Variants in TNRC6A observed in about 807,000 individuals in gnomAD.
TNRC6A encodes trinucleotide repeat containing adaptor 6A, also known as trinucleotide repeat-containing gene 6A protein.
A neutral mutation model predicts 221.2 loss-of-function variants in TNRC6A; 44 were observed. The ratio of observed to expected loss-of-function variants is 0.20; its 90% CI spans 0.16 to 0.26. The LOEUF (loss-of-function observed/expected upper bound fraction) is 0.26. Among genes scored for constraint, TNRC6A ranks in the 10% least tolerant of loss-of-function variants. TNRC6A has a pLI of 1.00. For synonymous variants in TNRC6A, 847 were observed against 838.5 expected (o/e 1.01, Z -0.18); for missense variants, 2,199 against 2,404.4 (o/e 0.91, Z 1.79).
In TNRC6A at chr16:24,790,111, A is replaced by G; in HGVS notation, c.1469A>G (p.His490Arg). The G allele has an allele frequency of 6.2e-7, 1 of 1,614,218 alleles. No individual in the cohort carries two copies. The highest frequency in any genetic ancestry group is 8.5e-7 in the Non-Finnish European group (1 of 1,180,022). Residue 490 changes from histidine to arginine, a missense_variant, in exon 6 of 25, where the codon CAT becomes CGT. Transcript: ENST00000395799. Reference protein sequence around the residue: ...TGAWRVSTMNHPQMQAPSGMN... With the variant: ...TGAWRVSTMNRPQMQAPSGMN... The stretch of plus-strand genomic sequence containing the variant: ...GCCTGGCGTGTGAGCACAATGAATC[A>G]TCCTCAGATGCAGGCTCCATCAGGT...
intron 18 of TNRC6A, among the ~76,000 whole-genome samples, chr16:24,809,806 A>G (rs2058507088): frequency 6.6e-6 from 1 of 152,116 alleles, no homozygotes; most frequent in South Asian, 2.1e-4. Context: ...ATTTAATTTG[A>G]TATGTTCTTA....
intron 4 of TNRC6A, among the ~76,000 whole-genome samples, chr16:24,759,236 A>T (rs1208933737): frequency 2.0e-5 from 3 of 152,032 alleles, no homozygotes; most frequent in Non-Finnish European, 4.4e-5. Context: ...ATATTCAGTG[A>T]TAAGTGGGCA....
intron 4 of TNRC6A, among the ~76,000 whole-genome samples, chr16:24,769,468 CAAA>C (rs35988161): frequency 4.9e-5 from 5 of 101,352 alleles, no homozygotes; most frequent in Non-Finnish European, 8.7e-5. Flanking sequence ...ACAGTATGAC[CAAA>C]AAAAAAAAAA....
chr16:24,628,480 T>A (rs914874397), intron 1 of TNRC6A, among the ~76,000 whole-genome samples: 1 of 152,048 alleles, frequency 6.6e-6, no homozygotes, highest in Admixed American at 6.6e-5. Context: ...TCTGTCTCCC[T>A]TTCTACCTTC....
chr16:24,745,297 T>G (rs902545567), intron 2 of TNRC6A, among the ~76,000 whole-genome samples: 1 of 152,212 alleles, frequency 6.6e-6, no homozygotes, highest in African/African-American at 2.4e-5. Context: ...TCTATAGTTT[T>G]GAAGGTTGCT....
At chr16:24,674,792 CAA>C (rs1442420339) in intron 2 of TNRC6A, among the ~76,000 whole-genome samples, 1 of 151,338 alleles carries the variant, frequency 6.6e-6, no homozygotes, top group Non-Finnish European at 1.5e-5. Context: ...AAAGGGATCA[CAA>C]GAGAGATTAT....
chr16:24,729,542 G>A (rs940263052), upstream of TNRC6A, among the ~76,000 whole-genome samples: 1 of 151,912 alleles, frequency 6.6e-6, no homozygotes, highest in African/African-American at 2.4e-5. Flanking sequence ...GTGACACGCC[G>A]GGGCGGTTGC....
intron 4 of TNRC6A, among the ~76,000 whole-genome samples, chr16:24,760,488 CACTTCAGA>C (rs1159281615): frequency 6.6e-6 from 1 of 152,132 alleles, no homozygotes. Flanking sequence ...ATATGAAGGT[CACTTCAGA>C]ATACATTTTG....
At chr16:24,643,823 C>T (rs1902125930) in intron 2 of TNRC6A, among the ~76,000 whole-genome samples, 1 of 152,082 alleles carries the variant, frequency 6.6e-6, no homozygotes, top group Admixed American at 6.5e-5. Context: ...ATGTTTCTGT[C>T]TCTGCACCAC....
At chr16:24,625,388 C>A (rs577452296) in intron 1 of TNRC6A, among the ~76,000 whole-genome samples, 110 of 152,080 alleles carry the variant, frequency 7.2e-4, no homozygotes, top group Non-Finnish European at 1.1e-3. Context: ...CCAAGGCGGG[C>A]GGATCACAAG....
At chr16:24,800,664 G>A (rs2058313883) in intron 11 of TNRC6A, among the ~76,000 whole-genome samples, 1 of 152,218 alleles carries the variant, frequency 6.6e-6, no homozygotes, top group African/African-American at 2.4e-5. Flanking sequence ...CGTGCTGGTG[G>A]AACCTGTGGG....
intron 4 of TNRC6A, among the ~76,000 whole-genome samples, chr16:24,767,237 T>TG (rs1158671551): frequency 1.3e-5 from 2 of 152,220 alleles, no homozygotes; most frequent in African/African-American, 2.4e-5. Flanking sequence ...ACGCTGAAGA[T>TG]GCAAATACAT....
chr16:24,653,778 C>CA (rs11285795), intron 2 of TNRC6A, among the ~76,000 whole-genome samples: 1,710 of 140,694 alleles, frequency 0.012, 48 homozygotes, highest in South Asian at 0.085. Context: ...GAGACTCTAT[C>CA]AAAAAAAAAA....
intron 2 of TNRC6A, among the ~76,000 whole-genome samples, chr16:24,734,311 A>T (rs998580403): frequency 3.9e-5 from 6 of 152,172 alleles, no homozygotes; most frequent in African/African-American, 1.4e-4. Flanking sequence ...GGTGAATGAG[A>T]GTTTGACCCA....
chr16:24,706,522 T>TAAC (rs1457172447), intron 2 of TNRC6A, among the ~76,000 whole-genome samples: 1 of 151,868 alleles, frequency 6.6e-6, no homozygotes, highest in African/African-American at 2.4e-5. Context: ...CTATCCTGTC[T>TAAC]AACACGGTGA....
intron 2 of TNRC6A, among the ~76,000 whole-genome samples, chr16:24,712,299 C>G (rs2056220154): frequency 6.6e-6 from 1 of 152,150 alleles, no homozygotes; most frequent in Non-Finnish European, 1.5e-5. Context: ...GCCACCACAC[C>G]CGGCTGCTGT....
intron 2 of TNRC6A, among the ~76,000 whole-genome samples, chr16:24,679,453 A>T (rs562122355): frequency 1.3e-5 from 2 of 151,894 alleles, no homozygotes; most frequent in South Asian, 4.2e-4. Context: ...ACAGGCACAT[A>T]CCACCATACC....
intron 6 of TNRC6A, among the ~76,000 whole-genome samples, chr16:24,792,544 TAAAAG>T (rs1333665866): frequency 6.6e-6 from 1 of 151,330 alleles, no homozygotes; most frequent in Non-Finnish European, 1.5e-5. Flanking sequence ...GTTTGATTCT[TAAAAG>T]GAAGAAGTAT....
At chr16:24,665,420 CAG>C (rs1272509655) in intron 2 of TNRC6A, among the ~76,000 whole-genome samples, 1 of 152,084 alleles carries the variant, frequency 6.6e-6, no homozygotes. Context: ...GTCAAAGACT[CAG>C]AGAATCAGGG....
Sources: allele counts gnomAD v4.1 joint callset (sites outside exome capture counted in the v4.1 genomes callset), GRCh38; gene constraint gnomAD v4.1.1; transcripts MANE v1.5; gene names NCBI Gene and HGNC (gene_info 2026-07-23, HGNC 2026-07-21).